Variants in VPS52 observed in about 807,000 individuals in gnomAD.
VPS52 encodes vacuolar protein sorting-associated protein 52 homolog.
Under a neutral mutation model 98.7 loss-of-function variants are expected in VPS52, and 56 were observed. That is an observed-to-expected ratio of 0.57 (90% CI 0.46 to 0.71). The LOEUF is 0.71. Ranked by LOEUF, VPS52 falls within the 30% of genes least tolerant of loss-of-function variation. The pLI is 0.00. For synonymous variants in VPS52, 348 were observed against 346.4 expected, an observed-to-expected ratio of 1.00 and a Z score of -0.05; for missense variants, 742 against 925.9, an observed-to-expected ratio of 0.80 and a Z score of 2.58.
Position 33,267,868 on chromosome 6 carries a change from C to T in VPS52, c.930G>A (p.Val310=), listed in dbSNP as rs372822767. 47 of 1,612,978 alleles carry T rather than the reference C, an allele frequency of 2.9e-5. No individual in the cohort carries two copies. The highest frequency in any genetic ancestry group is 3.9e-5 in the Non-Finnish European group (46 of 1,180,030). ...YRSYLGRLMK[V]QYEEVAEKDD... The stretch of plus-strand genomic sequence containing the variant: ...TACCTCTCCCTCCTGACCTTACCTG[C>T]ACCTTCATGAGCCGCCCCAGGTAAG... Residue 310 remains valine (V), a synonymous_variant, in exon 9 of 20, where the codon GTG becomes GTA. Transcript: ENST00000445902. The surrounding 1 kb of genome is among the most constrained non-coding windows in gnomAD (Gnocchi z 4.2).
chr6:33,250,983 G>A lies in VPS52; in HGVS notation c.2030C>T (p.Ala677Val), dbSNP rs931393924. ...FRNGTSIIQG[A>V]LTQLIQLYHR... ...ATAGAGCTGGATCAGCTGGGTCAGC[G>A]CTCCCTGGTCAAAGAAAGTCATTGA... Residue 677 changes from alanine (A) to valine (V), a missense_variant, in exon 20 of 20, where the codon GCG (alanine) becomes GTG (valine). Physicochemically the swap from Ala to Val is moderately conservative, Grantham distance 64. Around this residue, in one of 2 missense-constraint regions of VPS52, gnomAD observed 590 missense variants for 793.3 expected, o/e 0.74. Transcript: ENST00000445902. 19 of 1,612,912 alleles carry A rather than the reference G, an allele frequency of 1.2e-5. No individual in the cohort carries two copies. The highest frequency in any genetic ancestry group is 1.6e-4 in the Middle Eastern group (1 of 6,074).
intron 17 of VPS52, among the ~76,000 whole-genome samples, chr6:33,255,606 A>AC (rs71536177): frequency 6.7e-6 from 1 of 148,464 alleles, no homozygotes; most frequent in Non-Finnish European, 1.5e-5. Flanking sequence ...ACATGGTGAA[A>AC]CCCCCCGTCT....
chr6:33,264,203 AC>A, intron 14 of VPS52, 100 bp from the exon 15 acceptor site: 1 of 1,541,366 alleles, frequency 6.5e-7, no homozygotes, highest in Non-Finnish European at 8.9e-7. Flanking sequence ...ATGTGACTCT[AC>A]CTTCAGTCCC....
At chr6:33,271,421 G>C (rs1264508145) in intron 1 of VPS52, 165 bp downstream of exon 1, 1 of 1,009,084 alleles carries the variant, frequency 9.9e-7, no homozygotes. Context: ...AGCCACTAGG[G>C]TCCCGCTCAG....
rs747860473 is a variant in VPS52, at chr6:33,250,990, G to A, written c.2026-3C>T. 5.6e-6 allele frequency: 9 copies of A among 1,612,892 alleles called. No individual in the cohort carries two copies. The Admixed American group carries it at 1.3e-4, about 24-fold the overall frequency. On this transcript the variant is annotated splice_region_variant and splice_polypyrimidine_tract_variant and intron_variant, in intron 19 of 19. Transcript: ENST00000445902. ...TGGATCAGCTGGGTCAGCGCTCCCT[G>A]GTCAAAGAAAGTCATTGAGGGATCA...
At position 33,264,036 on chromosome 6, in the gene VPS52, C is replaced by T. The variant is rs375773684; in HGVS notation, c.1592G>A (p.Arg531Gln). ...CAGCTGTCCCAGCAATTGCATGGTC[C>T]GTTCATTAGGAATTGTCTGGTTGAT... The part of the protein sequence containing the change: ...VSINQTIPNE[R>Q]TMQLLGQLQV... The change falls in exon 15 of 20, where the codon CGG (arginine) becomes CAG (glutamine). Residue 531 changes from arginine to glutamine, a missense_variant. Arg to Gln is a conservative substitution (Grantham distance 43). This residue lies in a region of VPS52 where 590 missense variants were observed against 793.3 expected (regional missense o/e 0.74). Transcript: ENST00000445902. 5 of 1,614,208 alleles carry T rather than the reference C, an allele frequency of 3.1e-6. No individual in the cohort carries two copies. The South Asian group carries it at 3.3e-5, about 11-fold the overall frequency.
In VPS52 at chr6:33,268,881, G is replaced by A; in HGVS notation, c.548+133C>T. 2 of 1,245,526 alleles carry A rather than the reference G, an allele frequency of 1.6e-6. No individual in the cohort carries two copies. Among genetic ancestry groups the A allele is most frequent in the Non-Finnish European group, 2.2e-6 (2 of 900,984 alleles). 77.2% of individuals were successfully genotyped at this position (1,245,526 alleles called of 1,614,324 possible). ...ATGCCTAATGCATACCTAAAGAAAT[G>A]GTGGTTAACCTGGCTACTAATTTCT... On this transcript the variant is annotated intron_variant, in intron 6 of 19. Transcript: ENST00000445902. The surrounding 1 kb of genome is among the most constrained non-coding windows in gnomAD (Gnocchi z 4.0).
At chr6:33,261,231 C>G (rs1439954335) in intron 17 of VPS52, among the ~76,000 whole-genome samples, 2 of 151,478 alleles carry the variant, frequency 1.3e-5, no homozygotes, top group Non-Finnish European at 2.9e-5. Flanking sequence ...ACTTGGGAGG[C>G]CCAGGTGGGA....
At chr6:33,266,806 A>G in intron 11 of VPS52, 94 bp from the exon 12 acceptor site, 5 of 1,480,784 alleles carry the variant, frequency 3.4e-6, no homozygotes, top group Non-Finnish European at 1.8e-6. Flanking sequence ...AACCTGAGTA[A>G]TAAGAGCTAG....
At position 33,264,320 on chromosome 6, in the gene VPS52, G is replaced by T. The variant is rs924669738; in HGVS notation, c.1524+54C>A. On this transcript the variant is annotated intron_variant, in intron 14 of 19. Coordinates refer to ENST00000445902, the MANE Select transcript of VPS52 (RefSeq NM_022553.6). ...TGTGACCTTGGCCAACCCCCACAAT[G>T]ATGCTTAGAGCCCTGCCTTTCAAGA... 6 of 1,601,658 alleles carry T rather than the reference G, an allele frequency of 3.7e-6. No individual in the cohort carries two copies. In the African/African-American group the frequency reaches 6.7e-5, roughly 18 times the overall value.
chr6:33,256,848 A>C (rs1763040072), intron 17 of VPS52, among the ~76,000 whole-genome samples: 1 of 138,502 alleles, frequency 7.2e-6, no homozygotes, highest in Non-Finnish European at 1.5e-5. Context: ...TCTAAAAAAA[A>C]AAAAAAAGAA....
chr6:33,271,351 G>A, intron 1 of VPS52: 1 of 707,466 alleles, frequency 1.4e-6, no homozygotes. Context: ...ATACTACTTC[G>A]TGACTCTACC....
In VPS52 at chr6:33,267,955, T is replaced by TA; in HGVS notation, c.842_843insT (p.Glu283GlyfsTer5). On this transcript the variant is annotated frameshift_variant, in exon 9 of 20. Transcript: ENST00000445902. LOFTEE classifies it high-confidence loss of function. This position sits in a 1 kb window ranked among gnomAD's most constrained non-coding sequence, Gnocchi z 4.2. ...CCACATATTCATCCCTGATCTCCTTTGCTGTTGCTCGTTCATTGCCCAGCA... is the reference window on the plus strand; with the variant it reads ...CCACATATTCATCCCTGATCTCCTTTAGCTGTTGCTCGTTCATTGCCCAGCA... The TA allele has an allele frequency of 6.2e-7, 1 of 1,613,106 alleles. No homozygotes were observed. Among genetic ancestry groups the TA allele is most frequent in the Admixed American group, 1.7e-5 (1 of 60,014 alleles).
rs774715141 is a variant in VPS52 at position 33,271,620 on chromosome 6, C to G, written c.56G>C (p.Gly19Ala). The change falls in exon 1 of 20, where the codon GGG becomes GCG. Residue 19 changes from glycine (G) to alanine (A), a missense_variant. Coordinates refer to ENST00000445902, the MANE Select transcript of VPS52 (RefSeq NM_022553.6). ...AAARELVLRA[G>A]TSDMEEEEGP... Reference sequence around the variant, plus strand: ...CTCTTCCTCCTCCATATCTGAGGTCCCAGCCCGCAACACCAGTTCCCGGGC... The same window carrying G: ...CTCTTCCTCCTCCATATCTGAGGTCGCAGCCCGCAACACCAGTTCCCGGGC... 6 of 1,612,198 alleles carry G rather than the reference C, an allele frequency of 3.7e-6. No homozygotes were observed. The South Asian group carries it at 6.6e-5, about 18-fold the overall frequency.
intron 12 of VPS52, 110 bp from the exon 13 acceptor site, chr6:33,265,010 C>A: frequency 1.1e-6 from 1 of 945,022 alleles, no homozygotes; most frequent in South Asian, 1.3e-5. Flanking sequence ...CTGGACAGGA[C>A]AGAAGGGAGA....
At chr6:33,257,635 G>A (rs900194788) in intron 17 of VPS52, among the ~76,000 whole-genome samples, 2 of 152,052 alleles carry the variant, frequency 1.3e-5, no homozygotes, top group African/African-American at 2.4e-5. Flanking sequence ...CCGTGACCTC[G>A]TAATCCACCC....
At chr6:33,271,474 G>A in intron 1 of VPS52, 112 bp downstream of exon 1, 2 of 1,453,430 alleles carry the variant, frequency 1.4e-6, no homozygotes, top group Non-Finnish European at 1.9e-6. Context: ...AGCCAAACAG[G>A]TAATATCACG....
At chr6:33,260,935 G>A (rs889571282) in intron 17 of VPS52, among the ~76,000 whole-genome samples, 8 of 151,894 alleles carry the variant, frequency 5.3e-5, no homozygotes, top group African/African-American at 1.5e-4. Context: ...GGAGGCGGAC[G>A]TTGCAGTGAG....
rs974416680 is a variant in VPS52, at chr6:33,250,571, G to C, written c.*270C>G. 4 of 470,330 alleles carry C rather than the reference G, an allele frequency of 8.5e-6. No individual in the cohort carries two copies. Among genetic ancestry groups the C allele is most frequent in the African/African-American group, 3.9e-5 (2 of 50,904 alleles). 29.1% of individuals were successfully genotyped at this position (470,330 alleles called of 1,614,324 possible). On this transcript the variant is annotated 3_prime_UTR_variant, in exon 20 of 20. Transcript: ENST00000445902. ...GGGTGTATGGGAGCAGGAAAGGAGG[G>C]TGACAGACTGGAGAAATGATAAAGG...
Sources: gnomAD v4.1 joint callset for allele counts (sites outside exome capture counted in the v4.1 genomes callset) on GRCh38, gnomAD v4.1.1 for gene constraint, gnomAD v4.1.1 regional missense constraint, Gnocchi (gnomAD v3.1) non-coding constraint, MANE v1.5 for transcripts, NCBI Gene and HGNC (gene_info 2026-07-23, HGNC 2026-07-21) for gene names.